The following UNC79 variants were observed in gnomAD, a reference collection of about 807,000 sequenced individuals.
UNC79 encodes the protein unc-79 subunit of NALCN channel complex.
A neutral mutation model predicts 283.1 loss-of-function variants in UNC79; 37 were observed. The ratio of observed to expected loss-of-function variants is 0.13; its 90% CI spans 0.10 to 0.17. UNC79 has a LOEUF of 0.17. Among genes scored for constraint, UNC79 ranks in the 10% least tolerant of loss-of-function variants. The probability of loss-of-function intolerance (pLI) is 1.00; values close to 1 mark genes in which losing one functional copy is unlikely to be tolerated. For missense variants in UNC79, 2,272 were observed against 3,211.1 expected (o/e 0.71, Z 7.07); for synonymous variants, 1,107 against 1,200.2 (o/e 0.92, Z 1.61).
intron 24 of UNC79, among the ~76,000 whole-genome samples, chr14:93,600,174 T>G (rs1487615665): frequency 1.3e-5 from 2 of 152,170 alleles, no homozygotes; most frequent in Non-Finnish European, 2.9e-5. Context: ...CACTCCAGCC[T>G]GGGCGACAGA....
At chr14:93,428,085 A>G (rs2055770984), upstream of UNC79, among the ~76,000 whole-genome samples, 1 of 152,198 alleles carries the variant, frequency 6.6e-6, no homozygotes, top group Admixed American at 6.5e-5. Context: ...CAAGAGATAA[A>G]GCAATTATAA....
At chr14:93,674,315 T>C (rs530030430) in intron 41 of UNC79, among the ~76,000 whole-genome samples, 13 of 151,802 alleles carry the variant, frequency 8.6e-5, no homozygotes, top group African/African-American at 2.9e-4. Context: ...CATAGAGAGG[T>C]TGACTGGCTT....
chr14:93,492,658 A>G (rs2058786979), intron 5 of UNC79, among the ~76,000 whole-genome samples: 1 of 152,196 alleles, frequency 6.6e-6, no homozygotes, highest in Non-Finnish European at 1.5e-5. Context: ...CTGGCTGGAC[A>G]GAGTTTTTAT....
chr14:93,577,881 A>G (rs2063561033), exon 18 of UNC79: 2 of 1,614,200 alleles, frequency 1.2e-6, no homozygotes. Context: ...AGTTCAGCAC[A>G]ATATGCTTAG....
chr14:93,387,745 A>G (rs149548117), intron 1 of UNC79, among the ~76,000 whole-genome samples: 52 of 152,292 alleles, frequency 3.4e-4, no homozygotes, highest in Non-Finnish European at 6.2e-4. Context: ...GTAAATCTCT[A>G]TTAGCTCCAT....
chr14:93,686,533 A>G (rs773732102), intron 42 of UNC79, 39 bp from the exon 46 acceptor site: 4 of 1,608,940 alleles, frequency 2.5e-6, no homozygotes, highest in South Asian at 1.1e-5. Context: ...AGTCAGGGCA[A>G]AAATGAAGGT....
chr14:93,525,480 C>T (rs905763113), intron 8 of UNC79, among the ~76,000 whole-genome samples: 1 of 152,026 alleles, frequency 6.6e-6, no homozygotes, highest in African/African-American at 2.4e-5. Context: ...TGATGACCCA[C>T]ACAATGGAAG....
intron 1 of UNC79, among the ~76,000 whole-genome samples, chr14:93,440,676 T>C (rs2056268230): frequency 6.6e-6 from 1 of 152,128 alleles, no homozygotes; most frequent in Non-Finnish European, 1.5e-5. Flanking sequence ...GAATTTTGTA[T>C]ATTTGCCTTT....
intron 7 of UNC79, among the ~76,000 whole-genome samples, chr14:93,517,221 C>G (rs915767342): frequency 2.7e-5 from 4 of 148,696 alleles, no homozygotes; most frequent in African/African-American, 9.9e-5. Flanking sequence ...CCATCCCTCC[C>G]TTCCTTCTTT....
chr14:93,567,702 C>G (rs1317024052), intron 14 of UNC79, among the ~76,000 whole-genome samples: 1 of 152,184 alleles, frequency 6.6e-6, no homozygotes, highest in Non-Finnish European at 1.5e-5. Flanking sequence ...TTTCTTTTAT[C>G]AGTAGAATGA....
intron 5 of UNC79, among the ~76,000 whole-genome samples, chr14:93,491,175 A>G (rs2058704725): frequency 6.6e-6 from 1 of 152,110 alleles, no homozygotes; most frequent in Non-Finnish European, 1.5e-5. Context: ...CACCTCCTAA[A>G]GGCTCCACAT....
chr14:93,361,624 G>C (rs1251737419), intron 1 of UNC79, among the ~76,000 whole-genome samples: 1 of 151,078 alleles, frequency 6.6e-6, no homozygotes, highest in African/African-American at 2.5e-5. Context: ...CTAGATATAG[G>C]ATCATATCTA....
At chr14:93,399,243 C>T (rs903912420) in intron 1 of UNC79, among the ~76,000 whole-genome samples, 1 of 152,112 alleles carries the variant, frequency 6.6e-6, no homozygotes, top group African/African-American at 2.4e-5. Context: ...CCTCCCTCAA[C>T]CCGTGGGGAT....
At chr14:93,692,677 G>C (rs537164414) in intron 46 of UNC79, among the ~76,000 whole-genome samples, 11 of 152,330 alleles carry the variant, frequency 7.2e-5, no homozygotes, top group African/African-American at 2.6e-4. Context: ...CAGTACTGTT[G>C]AATGTAGACG....
At chr14:93,464,010 G>A (rs1328490307) in intron 1 of UNC79, among the ~76,000 whole-genome samples, 6 of 152,068 alleles carry the variant, frequency 3.9e-5, no homozygotes, top group Non-Finnish European at 5.9e-5. Flanking sequence ...TTAGCCGGGC[G>A]TGGTGGTGGG....
At chr14:93,595,393 G>A (rs1278759421) in intron 23 of UNC79, among the ~76,000 whole-genome samples, 1 of 151,882 alleles carries the variant, frequency 6.6e-6, no homozygotes, top group Non-Finnish European at 1.5e-5. Flanking sequence ...CCCGGCCAAG[G>A]TCATGTTACT....
intron 32 of UNC79, 110 bp from the exon 36 acceptor site, chr14:93,641,035 G>T (rs2068980939): frequency 4.8e-5 from 39 of 809,762 alleles, no homozygotes; most frequent in Non-Finnish European, 1.9e-6. Context: ...TGTCCAAGTT[G>T]TATTCCTGGG....
Position 93,516,008 on chromosome 14 carries a change from A to G in UNC79, c.899-7970A>G, listed in dbSNP as rs147597119. On this transcript the variant is annotated intron_variant, in intron 7 of 48. Coordinates refer to ENST00000555664, the Ensembl canonical transcript of UNC79. ...TAAGTATATGATCTATTTGGAATCA[A>G]TTTTAGTATATAGCAAGAGGTAAGG... Among the ~76,000 whole-genome samples the G allele has an allele frequency of 5.1e-3, 769 of 152,192 alleles. 6 individuals are homozygous for G. The highest frequency in any genetic ancestry group is 7.6e-3 in the Non-Finnish European group (515 of 67,976).
chr14:93,580,019 A>G (rs2063697406), intron 18 of UNC79, 130 bp from the exon 19 acceptor site: 1 of 779,204 alleles, frequency 1.3e-6, no homozygotes, highest in South Asian at 1.9e-5. Flanking sequence ...ATAATTCAAT[A>G]TTTCTGTCAG....
Sources: allele counts gnomAD v4.1 joint callset (sites outside exome capture counted in the v4.1 genomes callset), GRCh38; gene constraint gnomAD v4.1.1; transcripts MANE v1.5; gene names NCBI Gene and HGNC (gene_info 2026-07-23, HGNC 2026-07-21).